PAFAH1B2: variants seen among roughly 807,000 people sequenced by gnomAD.
The protein encoded by PAFAH1B2 is platelet-activating factor acetylhydrolase IB subunit alpha2.
In PAFAH1B2, 8 loss-of-function variants were observed where a neutral mutation model predicts 28.0. That is an observed-to-expected ratio of 0.29 (90% CI 0.17 to 0.52). The LOEUF is 0.52. Among genes scored for constraint, PAFAH1B2 ranks in the 20% least tolerant of loss-of-function variants. The probability of loss-of-function intolerance (pLI) is 0.97; values close to 1 mark genes in which losing one functional copy is unlikely to be tolerated. For missense variants in PAFAH1B2, 190 were observed against 282.6 expected (o/e 0.67, Z 2.35); for synonymous variants, 104 against 103.2 (o/e 1.01, Z -0.05).
chr11:117,165,900 C>T (rs969159560), intron 5 of PAFAH1B2, among the ~76,000 whole-genome samples: 4 of 150,192 alleles, frequency 2.7e-5, no homozygotes, highest in African/African-American at 9.8e-5. Flanking sequence ...AGTGCAGTGG[C>T]GTGATCTTAG....
At chr11:117,164,958 C>CTTTTT (rs368887694) in intron 5 of PAFAH1B2, among the ~76,000 whole-genome samples, 1 of 132,234 alleles carries the variant, frequency 7.6e-6, no homozygotes. Context: ...TTTCTTTTTT[C>CTTTTT]TTTTTTTTTT....
chr11:117,167,792 C>T lies in PAFAH1B2; in HGVS notation c.*93C>T. 1.5e-6 allele frequency: 2 copies of T among 1,347,322 alleles called. No individual in the cohort carries two copies. Among genetic ancestry groups the T allele is most frequent in the Non-Finnish European group, 1.9e-6 (2 of 1,041,848 alleles). The allele number at this position is 1,347,322 out of a possible 1,614,324, so 83.5% of individuals were successfully genotyped here. A position where few individuals can be genotyped will look rare whatever the true frequency, so the allele number is the denominator to read the frequency against. ...TCCTTCTCTTTCTTAAGGCACTTTG[C>T]ATTGTAGAATGTTCCTGGATGTTCA... is the stretch of plus-strand genomic sequence containing the variant. On this transcript the variant is annotated 3_prime_UTR_variant, in exon 6 of 6. Coordinates refer to ENST00000527958, the MANE Select transcript of PAFAH1B2 (RefSeq NM_002572.4).
chr11:117,161,471 A>AT (rs1161031641), intron 4 of PAFAH1B2, among the ~76,000 whole-genome samples: 2 of 151,122 alleles, frequency 1.3e-5, no homozygotes, highest in East Asian at 3.9e-4. Context: ...ATTGGGTTGT[A>AT]TTTATAGTTG....
chr11:117,176,591 A>G (rs1369559125), exon 6 of PAFAH1B2: 1 of 177,462 alleles, frequency 5.6e-6, no homozygotes, highest in East Asian at 9.4e-5. Context: ...AACATGTCTA[A>G]TTTGGCCGGG....
downstream of PAFAH1B2, among the ~76,000 whole-genome samples, chr11:117,172,854 C>T (rs1358892797): frequency 6.6e-6 from 1 of 152,188 alleles, no homozygotes; most frequent in East Asian, 1.9e-4. Flanking sequence ...CAGGCGTGTA[C>T]CACCACGCCT....
At chr11:117,147,884 C>T (rs1180052791) in intron 1 of PAFAH1B2, among the ~76,000 whole-genome samples, 4 of 152,046 alleles carry the variant, frequency 2.6e-5, no homozygotes, top group Non-Finnish European at 5.9e-5. Context: ...ACATTTTGTT[C>T]CTCGGTTTCT....
In PAFAH1B2 at chr11:117,168,236, A is replaced by G. The variant is rs1450573662; in HGVS notation, c.*537A>G. On this transcript the variant is annotated 3_prime_UTR_variant, in exon 6 of 6. Coordinates refer to ENST00000527958, the MANE Select transcript of PAFAH1B2 (RefSeq NM_002572.4). Reference sequence around the variant, plus strand: ...CATGCTTGTCATTGATATATGGAAGATGCTATAGTTAGAAGTGAATTTGTT... The same window carrying G: ...CATGCTTGTCATTGATATATGGAAGGTGCTATAGTTAGAAGTGAATTTGTT... 41 of 1,061,284 alleles carry G rather than the reference A, an allele frequency of 3.9e-5. No homozygotes were observed. The highest frequency in any genetic ancestry group is 4.4e-5 in the Non-Finnish European group (39 of 876,650). 65.7% of individuals were successfully genotyped at this position (1,061,284 alleles called of 1,614,324 possible).
At chr11:117,152,202 C>T (rs1956167438) in intron 1 of PAFAH1B2, among the ~76,000 whole-genome samples, 1 of 152,158 alleles carries the variant, frequency 6.6e-6, no homozygotes, top group South Asian at 2.1e-4. Flanking sequence ...ATGTACTGCA[C>T]TGCAACTAAG....
At chr11:117,160,127 G>C (rs984404759) in intron 3 of PAFAH1B2, 104 bp downstream of exon 3, 2 of 832,418 alleles carry the variant, frequency 2.4e-6, no homozygotes, top group Non-Finnish European at 4.2e-6. Context: ...GTGACTCTTA[G>C]AGAAGCCCTA....
At chr11:117,163,112 C>G (rs1050954822) in intron 4 of PAFAH1B2, among the ~76,000 whole-genome samples, 1 of 152,186 alleles carries the variant, frequency 6.6e-6, no homozygotes, top group Non-Finnish European at 1.5e-5. Context: ...AATTTTACCA[C>G]TTAAATATTA....
chr11:117,144,454 T>C lies in PAFAH1B2; in HGVS notation c.-8+36T>C, dbSNP rs766954039. On this transcript the variant is annotated intron_variant, in intron 1 of 5. Coordinates refer to ENST00000527958, the MANE Select transcript of PAFAH1B2 (RefSeq NM_002572.4). The stretch of plus-strand genomic sequence containing the variant: ...CCAGGGTCGCAGGGAACCGGTGGCT[T>C]AGAGGCGGGGGTCGGAAGGGGCTGC... 1.8e-4 allele frequency: 52 copies of C among 281,464 alleles called. 1 individual carries two copies. Among genetic ancestry groups the C allele is most frequent in the South Asian group, 4.9e-4 (20 of 40,670 alleles). 17.4% of individuals were successfully genotyped at this position (281,464 alleles called of 1,614,324 possible).
intron 1 of PAFAH1B2, among the ~76,000 whole-genome samples, chr11:117,145,328 A>T (rs1299066438): frequency 1.3e-5 from 2 of 152,142 alleles, no homozygotes; most frequent in African/African-American, 4.8e-5. Flanking sequence ...CACAAACAAG[A>T]ACTAACACTC....
At chr11:117,167,010 C>T (rs1017212951) in intron 5 of PAFAH1B2, among the ~76,000 whole-genome samples, 4 of 152,142 alleles carry the variant, frequency 2.6e-5, no homozygotes, top group Admixed American at 1.3e-4. Context: ...GGATGTGAGA[C>T]TTGCAGATGT....
At chr11:117,161,398 A>ACAGTATCATT in intron 4 of PAFAH1B2, 137 bp downstream of exon 4, 1 of 549,848 alleles carries the variant, frequency 1.8e-6, no homozygotes, top group Non-Finnish European at 3.2e-6. Context: ...AAGGTAAATG[A>ACAGTATCATT]TACTGTCATT....
chr11:117,163,661 A>G, intron 4 of PAFAH1B2, 109 bp from the exon 5 acceptor site: 1 of 1,131,190 alleles, frequency 8.8e-7, no homozygotes, highest in Non-Finnish European at 1.3e-6. Context: ...TGATAGAGCG[A>G]GACCCCATCT....
chr11:117,175,238 T>C, downstream of PAFAH1B2: 2 of 1,088,560 alleles, frequency 1.8e-6, no homozygotes, highest in East Asian at 4.8e-5. Context: ...CAGGATCACA[T>C]CCCTGAGGCC....
intron 4 of PAFAH1B2, 115 bp from the exon 5 acceptor site, chr11:117,163,655 A>G: frequency 1.9e-6 from 2 of 1,058,972 alleles, no homozygotes; most frequent in South Asian, 3.0e-5. Flanking sequence ...TCTGGGTGAT[A>G]GAGCGAGACC....
rs1956551368 is a variant in PAFAH1B2 at position 117,167,997 on chromosome 11, C to T, written c.*298C>T. On this transcript the variant is annotated 3_prime_UTR_variant, in exon 6 of 6. Transcript: ENST00000527958. ...AATTATTATCACTGTTTTCTTGGGA[C>T]AACATCAAGCCTAAATACTGAACAA... is the stretch of plus-strand genomic sequence containing the variant. 2 of 1,081,128 alleles carry T rather than the reference C, an allele frequency of 1.8e-6. No individual in the cohort carries two copies. Among genetic ancestry groups the T allele is most frequent in the Non-Finnish European group, 1.1e-6 (1 of 890,352 alleles). The allele number at this position is 1,081,128 out of a possible 1,614,324, so 67.0% of individuals were successfully genotyped here. A position where few individuals can be genotyped will look rare whatever the true frequency, so the allele number is the denominator to read the frequency against.
chr11:117,168,449 T>TTTTTTTTTTTTTTG lies in PAFAH1B2; in HGVS notation c.*763_*764insGTTTTTTTTTTTTT, dbSNP rs1956567037. On this transcript the variant is annotated 3_prime_UTR_variant, in exon 6 of 6. Transcript: ENST00000527958. ...CCTTCATTCCCCCCGCCACCCCGTT[T>TTTTTTTTTTTTTTG]TTTTTTTTTTTTTTTTTTTTTTGGT... 1 of 597,570 alleles carries TTTTTTTTTTTTTTG rather than the reference T, an allele frequency of 1.7e-6. No homozygotes were observed. The highest frequency in any genetic ancestry group is 3.3e-5 in the African/African-American group (1 of 30,322). The allele number at this position is 597,570 out of a possible 1,614,324, so 37.0% of individuals were successfully genotyped here. A position where few individuals can be genotyped will look rare whatever the true frequency, so the allele number is the denominator to read the frequency against.
Sources: allele counts gnomAD v4.1 joint callset (sites outside exome capture counted in the v4.1 genomes callset), GRCh38; gene constraint gnomAD v4.1.1; transcripts MANE v1.5; gene names NCBI Gene and HGNC (gene_info 2026-07-23, HGNC 2026-07-21).